GREB1L: variants seen among roughly 807,000 people sequenced by gnomAD.
GREB1L encodes GREB1 like retinoic acid receptor coactivator.
A neutral mutation model predicts 200.8 loss-of-function variants in GREB1L; 17 were observed. The ratio of observed to expected loss-of-function variants is 0.08; its 90% CI spans 0.06 to 0.13. The LOEUF (loss-of-function observed/expected upper bound fraction) is 0.13. GREB1L is among the 10% of genes least tolerant of loss of function. GREB1L has a pLI of 1.00. For synonymous variants in GREB1L, 789 were observed against 893.0 expected (o/e 0.88, Z 2.08); for missense variants, 1,657 against 2,367.7 (o/e 0.70, Z 6.23).
intron 1 of GREB1L, among the ~76,000 whole-genome samples, chr18:21,291,596 C>T (rs2038451390): frequency 6.6e-6 from 1 of 152,170 alleles, no homozygotes; most frequent in Non-Finnish European, 1.5e-5. Flanking sequence ...AAGTGAAGAG[C>T]CCATGTTATT....
chr18:21,362,297 G>A (rs1254585807), intron 1 of GREB1L, among the ~76,000 whole-genome samples: 1 of 152,116 alleles, frequency 6.6e-6, no homozygotes, highest in Admixed American at 6.5e-5. Context: ...CTCCCCACAA[G>A]TAATTCAATC....
intron 1 of GREB1L, among the ~76,000 whole-genome samples, chr18:21,322,010 T>C (rs765297391): frequency 3.3e-5 from 5 of 152,186 alleles, no homozygotes; most frequent in Non-Finnish European, 7.3e-5. Flanking sequence ...TTGTGGGCTA[T>C]TGACAATAAA....
At position 21,257,004 on chromosome 18, in the gene GREB1L, CA is replaced by C. The variant is rs747739158; in HGVS notation, c.-120+14632del. Among the ~76,000 whole-genome samples, 580 of 62,116 alleles carry C rather than the reference CA, an allele frequency of 9.3e-3. 1 individual carries two copies. The highest frequency in any genetic ancestry group is 0.015 in the Middle Eastern group (2 of 132). 40.8% of individuals were successfully genotyped at this position (62,116 alleles called of 152,430 possible). A position where few individuals can be genotyped will look rare whatever the true frequency, so the allele number is the denominator to read the frequency against. ...TGGGTGACAGAGTGAGACTCCGTCT[CA>C]AAAAAAAAAAAAAAAAAAAAGACTC... On this transcript the variant is annotated intron_variant, in intron 1 of 32. Transcript: ENST00000424526.
At chr18:21,500,370 G>A in intron 22 of GREB1L, 64 bp downstream of exon 22, 1 of 869,792 alleles carries the variant, frequency 1.1e-6, no homozygotes, top group Non-Finnish European at 1.8e-6. Flanking sequence ...TCAAGAAGTA[G>A]AAGCCAGAAA....
At chr18:21,324,682 T>C (rs1184093141) in intron 1 of GREB1L, among the ~76,000 whole-genome samples, 3 of 152,132 alleles carry the variant, frequency 2.0e-5, no homozygotes, top group Non-Finnish European at 4.4e-5. Context: ...TGGCGGCATG[T>C]GCCTGTAGTC....
At chr18:21,321,495 G>A (rs2038950514) in intron 1 of GREB1L, among the ~76,000 whole-genome samples, 3 of 151,750 alleles carry the variant, frequency 2.0e-5, no homozygotes, top group South Asian at 4.2e-4. Flanking sequence ...GACCAGCCTC[G>A]CCAACATAGA....
At chr18:21,399,903 C>T (rs571156450) in intron 5 of GREB1L, among the ~76,000 whole-genome samples, 12 of 152,076 alleles carry the variant, frequency 7.9e-5, no homozygotes, top group Non-Finnish European at 1.6e-4. Flanking sequence ...GTGAAATATT[C>T]TATCTTTAAT....
intron 11 of GREB1L, among the ~76,000 whole-genome samples, chr18:21,447,736 AC>A (rs2034301562): frequency 6.6e-6 from 1 of 152,184 alleles, no homozygotes; most frequent in African/African-American, 2.4e-5. Flanking sequence ...CTTTGAGCTC[AC>A]TGAAAAGTGT....
chr18:21,382,323 AGAGT>A (rs2040350934), intron 2 of GREB1L, among the ~76,000 whole-genome samples: 1 of 151,980 alleles, frequency 6.6e-6, no homozygotes, highest in African/African-American at 2.4e-5. Flanking sequence ...CCTGGGTAAC[AGAGT>A]AAGTGAGACT....
chr18:21,498,438 G>T (rs1048108565), intron 21 of GREB1L, among the ~76,000 whole-genome samples: 2 of 152,172 alleles, frequency 1.3e-5, no homozygotes, highest in African/African-American at 4.8e-5. Context: ...TTTCAGAATA[G>T]AGTCAAGGGG....
chr18:21,357,275 A>G (rs2039518593), intron 1 of GREB1L, among the ~76,000 whole-genome samples: 1 of 152,186 alleles, frequency 6.6e-6, no homozygotes, highest in African/African-American at 2.4e-5. Flanking sequence ...GATGGTCTCT[A>G]TCTCCTGACC....
chr18:21,252,745 G>T (rs974593239), intron 1 of GREB1L, among the ~76,000 whole-genome samples: 4 of 151,496 alleles, frequency 2.6e-5, no homozygotes, highest in Admixed American at 2.6e-4. Context: ...GCGGGTGCCT[G>T]TAATCCCAGC....
At chr18:21,395,105 C>CAAAAAAAAAA (rs372663303) in intron 4 of GREB1L, among the ~76,000 whole-genome samples, 24 of 64,008 alleles carry the variant, frequency 3.7e-4, no homozygotes, top group East Asian at 1.2e-3. Context: ...GACTCCATCT[C>CAAAAAAAAAA]AAAAAAAAAA....
chr18:21,263,267 A>G (rs550708061), intron 1 of GREB1L, among the ~76,000 whole-genome samples: 1 of 152,330 alleles, frequency 6.6e-6, no homozygotes, highest in Non-Finnish European at 1.5e-5. Context: ...TTGGTTTGGG[A>G]TTGCAAGCAC....
At chr18:21,383,813 A>G (rs2040424461) in intron 3 of GREB1L, 138 bp downstream of exon 3, 2 of 823,456 alleles carry the variant, frequency 2.4e-6, no homozygotes, top group Non-Finnish European at 3.8e-6. Flanking sequence ...CCTGGGTTCA[A>G]GCAATTCTCC....
intron 15 of GREB1L, among the ~76,000 whole-genome samples, chr18:21,460,072 A>G (rs900114427): frequency 1.3e-5 from 2 of 152,214 alleles, no homozygotes; most frequent in Non-Finnish European, 2.9e-5. Context: ...CCTTCAGGCC[A>G]CACATATACA....
intron 1 of GREB1L, among the ~76,000 whole-genome samples, chr18:21,282,389 C>T (rs2038284648): frequency 6.6e-6 from 1 of 152,226 alleles, no homozygotes; most frequent in Non-Finnish European, 1.5e-5. Context: ...TTCCCCTCAC[C>T]TTACAAAATA....
At chr18:21,246,834 A>C (rs796497862) in intron 1 of GREB1L, among the ~76,000 whole-genome samples, 13 of 152,306 alleles carry the variant, frequency 8.5e-5, no homozygotes, top group African/African-American at 3.1e-4. Context: ...TATTGTGATC[A>C]CAGTTTGCTG....
chr18:21,350,602 G>A (rs1040841574), intron 1 of GREB1L, among the ~76,000 whole-genome samples: 5 of 152,186 alleles, frequency 3.3e-5, no homozygotes, highest in Non-Finnish European at 7.4e-5. Context: ...GGCATATTGA[G>A]TTTGACAGGA....
Sources: allele counts gnomAD v4.1 joint callset (sites outside exome capture counted in the v4.1 genomes callset), GRCh38; gene constraint gnomAD v4.1.1; transcripts MANE v1.5; gene names NCBI Gene and HGNC (gene_info 2026-07-23, HGNC 2026-07-21).